The following PTCHD1 variants were observed in gnomAD, a reference collection of about 807,000 sequenced individuals.
The protein encoded by PTCHD1 is patched domain-containing protein 1.
Under a neutral mutation model 34.6 loss-of-function variants are expected in PTCHD1, and 3 were observed. The observed-to-expected ratio is 0.09, with a 90% CI of 0.04 to 0.22. PTCHD1 has a LOEUF of 0.22. Among genes scored for constraint, PTCHD1 ranks in the 10% least tolerant of loss-of-function variants. The pLI, the probability that PTCHD1 is intolerant of heterozygous loss-of-function variation, is 1.00. For synonymous variants in PTCHD1, 305 were observed against 283.1 expected, an observed-to-expected ratio of 1.08 and a Z score of -0.77; for missense variants, 504 against 685.5, an observed-to-expected ratio of 0.74 and a Z score of 2.96.
intron 1 of PTCHD1, among the ~76,000 whole-genome samples, chrX:23,359,786 T>C (rs1601907798): frequency 8.9e-6 from 1 of 111,993 alleles, no homozygotes; most frequent in African/African-American, 3.3e-5. Context: ...GCTGTGGGTT[T>C]ATCATAAATA....
intron 1 of PTCHD1, among the ~76,000 whole-genome samples, chrX:23,335,617 A>G (rs1275899354): frequency 8.9e-6 from 1 of 112,566 alleles, no homozygotes; most frequent in Non-Finnish European, 1.9e-5. Flanking sequence ...ACTTGAGAAC[A>G]AAATACTATG....
chrX:23,400,558 A>C lies in PTCHD1; in HGVS notation c.*6373A>C, dbSNP rs1028934605. 10 of 112,772 alleles carry C rather than the reference A, an allele frequency of 8.9e-5. No homozygotes were observed. Among genetic ancestry groups the C allele is most frequent in the African/African-American group, 2.9e-4 (9 of 31,085 alleles). The allele number at this position is 112,772 out of a possible 1,213,427, so 9.3% of individuals were successfully genotyped here. On this transcript the variant is annotated 3_prime_UTR_variant, in exon 3 of 3. Transcript: ENST00000379361. The stretch of plus-strand genomic sequence containing the variant: ...TGACTCCAAGTCAGAAGCTAGATAA[A>C]ATAGAGGTTGCTGGGGGAAGTTGGA...
chrX:23,335,430 T>G (rs1197579212), intron 1 of PTCHD1, among the ~76,000 whole-genome samples: 1 of 112,954 alleles, frequency 8.9e-6, no homozygotes, highest in Non-Finnish European at 1.9e-5. Flanking sequence ...GGTCCGGCCC[T>G]GCCCGCGTCG....
rs766746710 is a variant in PTCHD1, at chrX:23,394,162, G to A, written c.2644G>A (p.Val882Ile). The A allele has an allele frequency of 5.0e-6, 6 of 1,204,248 alleles. No individual in the cohort carries two copies. In the East Asian group the frequency reaches 1.8e-4, roughly 36 times the overall value. Residue 882 changes from valine to isoleucine, a missense_variant, in exon 3 of 3, where the codon GTT (valine) becomes ATT (isoleucine). Transcript: ENST00000379361. ...GGTAGATATCGATAGTACCCGTGTG[G>A]TTGACCAAATTACAACAGTGTGATA... ...EMVDIDSTRV[V>I]DQITTV
chrX:23,347,809 C>T (rs1211116267), intron 1 of PTCHD1, among the ~76,000 whole-genome samples: 2 of 111,118 alleles, frequency 1.8e-5, no homozygotes, highest in Non-Finnish European at 3.8e-5. Flanking sequence ...AGTTCATAAC[C>T]ACCCTGGGCA....
chrX:23,387,159 C>G (rs905173635), intron 2 of PTCHD1, among the ~76,000 whole-genome samples: 5 of 112,484 alleles, frequency 4.4e-5, no homozygotes, highest in Admixed American at 1.9e-4. Context: ...TCTCCAATAG[C>G]AAAACCACTA....
chrX:23,362,237 A>C (rs751896166), intron 1 of PTCHD1, among the ~76,000 whole-genome samples: 4 of 112,090 alleles, frequency 3.6e-5, no homozygotes, highest in Non-Finnish European at 5.6e-5. Flanking sequence ...TAATATCCTG[A>C]AGAGTGTTTT....
intron 2 of PTCHD1, among the ~76,000 whole-genome samples, chrX:23,388,603 G>A (rs1320509769): frequency 9.0e-6 from 1 of 111,501 alleles, no homozygotes; most frequent in Admixed American, 9.5e-5. Flanking sequence ...GGCCGAGGCA[G>A]GCAGATCACC....
At chrX:23,350,060 T>TAAAAAAA (rs57194123) in intron 1 of PTCHD1, among the ~76,000 whole-genome samples, 24 of 40,414 alleles carry the variant, frequency 5.9e-4, no homozygotes, top group African/African-American at 2.0e-3. Context: ...TTAGTGCTGT[T>TAAAAAAA]AAAAAAAAAA....
intron 1 of PTCHD1, among the ~76,000 whole-genome samples, chrX:23,356,249 G>A (rs1406813979): frequency 2.7e-5 from 3 of 112,223 alleles, no homozygotes; most frequent in Non-Finnish European, 5.6e-5. Flanking sequence ...TGTGCTGGGA[G>A]CGGGGATATA....
chrX:23,377,577 T>TGG (rs763070615), intron 1 of PTCHD1, among the ~76,000 whole-genome samples: 11 of 76,100 alleles, frequency 1.4e-4, no homozygotes, highest in Non-Finnish European at 2.2e-4. Flanking sequence ...CTCCTAGGGG[T>TGG]GTGTGTGTGT....
intron 1 of PTCHD1, among the ~76,000 whole-genome samples, chrX:23,377,457 T>C (rs751794202): frequency 9.0e-6 from 1 of 111,667 alleles, no homozygotes; most frequent in Non-Finnish European, 1.9e-5. Context: ...TAGAGAAGAA[T>C]TGATAAAAAC....
At chrX:23,352,170 T>C (rs780895503) in intron 1 of PTCHD1, among the ~76,000 whole-genome samples, 8 of 111,791 alleles carry the variant, frequency 7.2e-5, no homozygotes, top group Non-Finnish European at 1.5e-4. Flanking sequence ...TAGGTATTTA[T>C]ATGGTGGCAG....
chrX:23,356,647 C>G (rs1921812023), intron 1 of PTCHD1, among the ~76,000 whole-genome samples: 1 of 111,979 alleles, frequency 8.9e-6, no homozygotes, highest in Non-Finnish European at 1.9e-5. Flanking sequence ...GTAAACCTTG[C>G]CATTGTACCT....
At chrX:23,363,329 C>T (rs960948029) in intron 1 of PTCHD1, among the ~76,000 whole-genome samples, 1 of 112,624 alleles carries the variant, frequency 8.9e-6, no homozygotes, top group Admixed American at 9.3e-5. Flanking sequence ...TCCAGGGCAG[C>T]TTTGTTTACC....
intron 2 of PTCHD1, among the ~76,000 whole-genome samples, chrX:23,382,324 A>C (rs141412829): frequency 0.029 from 3,227 of 112,960 alleles, 121 homozygotes; most frequent in African/African-American, 0.098. Flanking sequence ...CGTTTCACTA[A>C]AAAATGAAAT....
upstream of PTCHD1, chrX:23,334,780 G>T (rs1351469569): frequency 3.7e-6 from 1 of 268,860 alleles, no homozygotes; most frequent in Non-Finnish European, 4.9e-6. Context: ...GCCGCCGCGG[G>T]CGCCGCTGCC....
intron 2 of PTCHD1, among the ~76,000 whole-genome samples, chrX:23,386,163 A>G (rs1414363561): frequency 9.0e-6 from 1 of 111,686 alleles, no homozygotes; most frequent in Non-Finnish European, 1.9e-5. Flanking sequence ...ACCATAGCAT[A>G]TATTATGGGC....
intron 1 of PTCHD1, among the ~76,000 whole-genome samples, chrX:23,356,942 T>C (rs958250961): frequency 3.6e-5 from 4 of 111,833 alleles, no homozygotes; most frequent in East Asian, 5.6e-4. Flanking sequence ...TGTTGTCTCA[T>C]TCGGGAGCCA....
Sources: allele counts gnomAD v4.1 joint callset (sites outside exome capture counted in the v4.1 genomes callset), GRCh38; gene constraint gnomAD v4.1.1; transcripts MANE v1.5; gene names NCBI Gene and HGNC (gene_info 2026-07-23, HGNC 2026-07-21).